KCNJ15: variants seen among roughly 807,000 people sequenced by gnomAD.
KCNJ15 encodes the protein potassium inwardly rectifying channel subfamily J member 15, also known as ATP-sensitive inward rectifier potassium channel 15.
KCNJ15 carries 14 observed loss-of-function variants against 23.0 expected under a neutral mutation model. That is an observed-to-expected ratio of 0.61 (90% CI 0.40 to 0.95). KCNJ15 has a LOEUF of 0.95. Ranked by LOEUF, KCNJ15 falls within the 40% of genes least tolerant of loss-of-function variation. KCNJ15 has a pLI of 0.00. For synonymous variants in KCNJ15, 185 were observed against 183.2 expected (o/e 1.01, Z -0.08); for missense variants, 388 against 461.8 (o/e 0.84, Z 1.46).
chr21:38,247,543 TG>T (rs1474425929), intron 1 of KCNJ15, among the ~76,000 whole-genome samples: 2 of 151,602 alleles, frequency 1.3e-5, no homozygotes, highest in African/African-American at 4.9e-5. Flanking sequence ...GATGGATGGA[TG>T]GATGGATGGA....
At chr21:38,286,781 G>A (rs973517180) in intron 1 of KCNJ15, among the ~76,000 whole-genome samples, 3 of 152,186 alleles carry the variant, frequency 2.0e-5, no homozygotes, top group African/African-American at 7.2e-5. Context: ...GAGAATCCAC[G>A]ATCTCACATG....
chr21:38,300,381 A>C lies in KCNJ15; in HGVS notation c.1120A>C (p.Asn374His). ...GAGGACACTTTTATTACAACAGAGC[A>C]ATGTCTGATCACAGGGGCGCCATCC... Reference protein sequence around the residue: ...ELRTLLLQQSNV With the variant: ...ELRTLLLQQSHV Residue 374 changes from asparagine (N) to histidine (H), a missense_variant, in exon 3 of 3, where the codon AAT becomes CAT. Coordinates refer to ENST00000398938, the MANE Select transcript of KCNJ15 (RefSeq NM_170736.3). 3.7e-6 allele frequency: 6 copies of C among 1,603,902 alleles called. No homozygotes were observed. Among genetic ancestry groups the C allele is most frequent in the Non-Finnish European group, 5.1e-6 (6 of 1,173,170 alleles).
intron 1 of KCNJ15, among the ~76,000 whole-genome samples, chr21:38,257,641 ATC>A (rs1396605527): frequency 6.6e-6 from 1 of 152,260 alleles, no homozygotes; most frequent in Non-Finnish European, 1.5e-5. Flanking sequence ...ATATTTTAAA[ATC>A]TGTTACCTAT....
At chr21:38,248,649 G>A (rs1979617885) in intron 1 of KCNJ15, among the ~76,000 whole-genome samples, 1 of 152,144 alleles carries the variant, frequency 6.6e-6, no homozygotes, top group Non-Finnish European at 1.5e-5. Flanking sequence ...TGAAGGAACT[G>A]GAGTGCACGG....
intron 1 of KCNJ15, among the ~76,000 whole-genome samples, chr21:38,236,979 C>G (rs1197714019): frequency 3.9e-5 from 6 of 152,136 alleles, no homozygotes; most frequent in African/African-American, 1.4e-4. Flanking sequence ...ACAATGTCAC[C>G]AGGGACCCAG....
intron 1 of KCNJ15, among the ~76,000 whole-genome samples, chr21:38,240,175 T>G (rs374020438): frequency 2.0e-5 from 3 of 152,322 alleles, no homozygotes; most frequent in East Asian, 3.9e-4. Context: ...ATTTTTTTAA[T>G]GGCCATCAAG....
At chr21:38,248,979 A>C (rs1979643376) in intron 1 of KCNJ15, among the ~76,000 whole-genome samples, 1 of 152,182 alleles carries the variant, frequency 6.6e-6, no homozygotes, top group African/African-American at 2.4e-5. Context: ...CAGATAAGTC[A>C]ATCCGCTTGC....
chr21:38,236,259 T>A (rs1978594761), intron 1 of KCNJ15, among the ~76,000 whole-genome samples: 1 of 152,236 alleles, frequency 6.6e-6, no homozygotes, highest in Non-Finnish European at 1.5e-5. Flanking sequence ...CGTCACTTGC[T>A]CTGGCTGGTA....
chr21:38,232,694 C>A (rs190338952), intron 1 of KCNJ15, among the ~76,000 whole-genome samples: 1 of 151,976 alleles, frequency 6.6e-6, no homozygotes, highest in East Asian at 1.9e-4. Context: ...CATATGACTT[C>A]TTCTTTGAAT....
chr21:38,234,574 T>G (rs1171866192), intron 1 of KCNJ15, among the ~76,000 whole-genome samples: 1 of 152,234 alleles, frequency 6.6e-6, no homozygotes, highest in African/African-American at 2.4e-5. Flanking sequence ...TTCCAAGTTA[T>G]TAACGAGAGT....
chr21:38,241,784 T>A (rs1979011599), intron 1 of KCNJ15, among the ~76,000 whole-genome samples: 1 of 151,912 alleles, frequency 6.6e-6, no homozygotes, highest in Non-Finnish European at 1.5e-5. Context: ...CTGGGCAACA[T>A]GGTGAAACCC....
At position 38,302,704 on chromosome 21, in the gene KCNJ15, A is replaced by G. The variant is rs1243309233; in HGVS notation, c.*2315A>G. ...AATTCTTTTCACAGTATTCATATCA[A>G]TGCTAATTTGAATGTGATGCCAATT... On this transcript the variant is annotated 3_prime_UTR_variant, in exon 3 of 3. Coordinates refer to ENST00000398938, the MANE Select transcript of KCNJ15 (RefSeq NM_170736.3). 1 of 152,206 alleles carries G rather than the reference A, an allele frequency of 6.6e-6. No homozygotes were observed. The highest frequency in any genetic ancestry group is 2.4e-5 in the African/African-American group (1 of 41,446). 9.4% of individuals were successfully genotyped at this position (152,206 alleles called of 1,614,324 possible).
In KCNJ15 at chr21:38,307,224, A is replaced by T. The variant is rs1986087785; in HGVS notation, c.*6835A>T. 6.6e-6 allele frequency: 1 copy of T among 152,204 alleles called. No homozygotes were observed. Among genetic ancestry groups the T allele is most frequent in the Non-Finnish European group, 1.5e-5 (1 of 68,040 alleles). The allele number at this position is 152,204 out of a possible 1,614,324, so 9.4% of individuals were successfully genotyped here. ...AAATACCTACTTTTGTATGCTATGA[A>T]TTCATCCGTTTACTTGTCAAATCCT... On this transcript the variant is annotated 3_prime_UTR_variant, in exon 3 of 3. Coordinates refer to ENST00000398938, the MANE Select transcript of KCNJ15 (RefSeq NM_170736.3).
intron 1 of KCNJ15, among the ~76,000 whole-genome samples, chr21:38,239,347 G>A (rs1978833438): frequency 6.6e-6 from 1 of 152,344 alleles, no homozygotes; most frequent in Non-Finnish European, 1.5e-5. Context: ...CAATTCAATA[G>A]CTAGTTATGG....
At chr21:38,260,721 T>C (rs555047196) in intron 1 of KCNJ15, among the ~76,000 whole-genome samples, 2 of 152,264 alleles carry the variant, frequency 1.3e-5, no homozygotes, top group African/African-American at 2.4e-5. Context: ...TCGTTTCCAG[T>C]AGGGAGCAGT....
chr21:38,234,497 T>G (rs1187600126), intron 1 of KCNJ15, among the ~76,000 whole-genome samples: 1 of 152,198 alleles, frequency 6.6e-6, no homozygotes, highest in Non-Finnish European at 1.5e-5. Flanking sequence ...TTAACAATGG[T>G]AATTAAGAGA....
chr21:38,277,027 TTGTG>T (rs3988469), intron 1 of KCNJ15, among the ~76,000 whole-genome samples: 2 of 149,842 alleles, frequency 1.3e-5, no homozygotes, highest in Middle Eastern at 3.2e-3. Context: ...GATTAAAAAA[TTGTG>T]TGTGTGTGTG....
At chr21:38,269,340 A>G (rs995498691) in intron 1 of KCNJ15, among the ~76,000 whole-genome samples, 2 of 152,228 alleles carry the variant, frequency 1.3e-5, no homozygotes. Flanking sequence ...AAAAGGCGTT[A>G]TACCCTATAG....
intron 1 of KCNJ15, among the ~76,000 whole-genome samples, chr21:38,289,196 CA>C (rs66914079): frequency 0.29 from 21,284 of 72,236 alleles, 1,299 homozygotes; most frequent in East Asian, 0.35. Flanking sequence ...AAGACTGTCT[CA>C]AAAAAAAAAA....
Sources: gnomAD v4.1 joint callset for allele counts (sites outside exome capture counted in the v4.1 genomes callset) on GRCh38, gnomAD v4.1.1 for gene constraint, MANE v1.5 for transcripts, NCBI Gene and HGNC (gene_info 2026-07-23, HGNC 2026-07-21) for gene names.